FOXK2: variants seen among roughly 807,000 people sequenced by gnomAD.
FOXK2 encodes the protein forkhead box K2.
FOXK2 carries 24 observed loss-of-function variants against 53.3 expected under a neutral mutation model. That is an observed-to-expected ratio of 0.45 (90% CI 0.33 to 0.63). FOXK2 has a LOEUF of 0.63. FOXK2 is among the 30% of genes least tolerant of loss of function. The pLI is 0.03. For synonymous variants in FOXK2, 505 were observed against 407.1 expected, an observed-to-expected ratio of 1.24 and a Z score of -2.89; for missense variants, 952 against 910.5, an observed-to-expected ratio of 1.05 and a Z score of -0.59.
chr17:82,530,634 C>T (rs560819511), intron 1 of FOXK2, among the ~76,000 whole-genome samples: 1 of 151,432 alleles, frequency 6.6e-6, no homozygotes, highest in South Asian at 2.1e-4. Context: ...CCTCAGTCTC[C>T]CGAGTAGCTG....
rs577087567 is a variant in FOXK2 at position 82,566,620 on chromosome 17, G to A, written c.615-1434G>A. ...CTCACCGCCAAGCAGCAGCCTTGAA[G>A]ACCCCACTTCAAGTGTGACTGACAG... On this transcript the variant is annotated intron_variant, in intron 2 of 8. Transcript: ENST00000335255. 5.0e-4 allele frequency among the ~76,000 whole-genome samples: 76 copies of A among 152,322 alleles called. 1 individual carries two copies. The highest frequency in any genetic ancestry group is 1.8e-3 in the African/African-American group (75 of 41,572).
intron 1 of FOXK2, among the ~76,000 whole-genome samples, chr17:82,546,114 G>GTT (rs531735206): frequency 0.13 from 13,123 of 101,658 alleles, 1,878 homozygotes; most frequent in East Asian, 0.33. Flanking sequence ...AGCATGGTTG[G>GTT]TTTTTTTTTT....
chr17:82,562,849 A>G (rs900500106), intron 1 of FOXK2, among the ~76,000 whole-genome samples: 2 of 150,852 alleles, frequency 1.3e-5, no homozygotes, highest in Non-Finnish European at 2.9e-5. Context: ...CCTCTTGCTC[A>G]GACTGAAGTG....
chr17:82,542,658 G>A (rs1171535545), intron 1 of FOXK2, among the ~76,000 whole-genome samples: 1 of 152,096 alleles, frequency 6.6e-6, no homozygotes, highest in Non-Finnish European at 1.5e-5. Context: ...AACAGCAGAG[G>A]ACCCTGCTGG....
intron 1 of FOXK2, among the ~76,000 whole-genome samples, chr17:82,538,449 C>T (rs961464836): frequency 2.0e-5 from 3 of 152,178 alleles, no homozygotes; most frequent in South Asian, 2.1e-4. Flanking sequence ...CGTGCCGCTG[C>T]GCTCCAACCT....
intron 4 of FOXK2, among the ~76,000 whole-genome samples, chr17:82,573,562 TCACA>T (rs1019671658): frequency 0.011 from 955 of 83,302 alleles, 4 homozygotes; most frequent in African/African-American, 0.024. Flanking sequence ...TCTCTCTCTC[TCACA>T]CACACACACA....
chr17:82,528,624 G>A (rs977267270), intron 1 of FOXK2, among the ~76,000 whole-genome samples: 2 of 152,168 alleles, frequency 1.3e-5, no homozygotes, highest in African/African-American at 4.8e-5. Context: ...ACGGAACAAG[G>A]TGTTACAGCT....
At position 82,520,184 on chromosome 17, in the gene FOXK2, C is replaced by T. The variant is rs1206704821; in HGVS notation, c.296C>T (p.Pro99Leu). Reference sequence around the variant, plus strand: ...CATGGCGGGGCCGCTCCGGAGCTGCCGCCCGCGCAGCCCAGGCCCGACGCC... The same window carrying T: ...CATGGCGGGGCCGCTCCGGAGCTGCTGCCCGCGCAGCCCAGGCCCGACGCC... ...GGHGGAAPEL[P>L]PAQPRPDAGG... is the part of the protein sequence containing the mutation. Residue 99 changes from proline (P) to leucine (L), a missense_variant, in exon 1 of 9, where the codon CCG (proline) becomes CTG (leucine). Coordinates refer to ENST00000335255, the MANE Select transcript of FOXK2 (RefSeq NM_004514.4). 2.8e-6 allele frequency: 4 copies of T among 1,443,452 alleles called. No homozygotes were observed. Among genetic ancestry groups the T allele is most frequent in the Non-Finnish European group, 3.7e-6 (4 of 1,095,748 alleles). The allele number at this position is 1,443,452 out of a possible 1,614,324, so 89.4% of individuals were successfully genotyped here. A position where few individuals can be genotyped will look rare whatever the true frequency, so the allele number is the denominator to read the frequency against.
chr17:82,591,237 C>T (rs761076733), intron 8 of FOXK2, among the ~76,000 whole-genome samples: 1 of 152,110 alleles, frequency 6.6e-6, no homozygotes, highest in African/African-American at 2.4e-5. Flanking sequence ...GGTTGTCGCT[C>T]CAGCTGGAGT....
In FOXK2 at chr17:82,582,897, C is replaced by G. The variant is rs142131857; in HGVS notation, c.1066C>G (p.Pro356Ala). ...TAGGAAACGACGGCCTAGGGGCGTGCCCTGCTTTAGAACCCCTCTGGGACC... is the reference window on the plus strand; with the variant it reads ...TAGGAAACGACGGCCTAGGGGCGTGGCCTGCTTTAGAACCCCTCTGGGACC... ...AFRKRRPRGV[P>A]CFRTPLGPLS... Residue 356 changes from proline (P) to alanine (A), a missense_variant, in exon 5 of 9, where the codon CCC becomes GCC. By Grantham distance (27) the Pro-to-Ala change is conservative. Transcript: ENST00000335255. 6.2e-7 allele frequency: 1 copy of G among 1,608,582 alleles called. No homozygotes were observed.
chr17:82,584,038 G>T lies in FOXK2; in HGVS notation c.1129G>T (p.Ala377Ser), dbSNP rs766997277. Reference protein sequence around the residue: ...SRSAPASPNHAGVLSAHSSGA... With the variant: ...SRSAPASPNHSGVLSAHSSGA... ...GAGTGCCCCAGCCTCTCCCAATCAC[G>T]CGGGAGTGCTGTCTGCTCACTCTAG... The change falls in exon 6 of 9, where the codon GCG becomes TCG. Residue 377 changes from alanine (A) to serine (S), a missense_variant. By Grantham distance (99) the Ala-to-Ser change is moderately conservative (BLOSUM62 1). Transcript: ENST00000335255. 3 of 1,607,476 alleles carry T rather than the reference G, an allele frequency of 1.9e-6. No homozygotes were observed. In the South Asian group the frequency reaches 3.3e-5, roughly 18 times the overall value.
chr17:82,546,579 C>A (rs2044627606), intron 1 of FOXK2, among the ~76,000 whole-genome samples: 1 of 152,000 alleles, frequency 6.6e-6, no homozygotes, highest in Non-Finnish European at 1.5e-5. Context: ...TAGAGTGCCC[C>A]AAGAGTGAAG....
chr17:82,555,613 G>C (rs143893326), intron 1 of FOXK2, among the ~76,000 whole-genome samples: 1 of 152,000 alleles, frequency 6.6e-6, no homozygotes, highest in African/African-American at 2.4e-5. Context: ...CACCGGGCGC[G>C]GTGGCTCACG....
At chr17:82,537,430 G>A (rs921645854) in intron 1 of FOXK2, among the ~76,000 whole-genome samples, 1 of 151,594 alleles carries the variant, frequency 6.6e-6, no homozygotes, top group Non-Finnish European at 1.5e-5. Flanking sequence ...GGCGGATCAT[G>A]AGGTCAGGAG....
chr17:82,563,357 C>T lies in FOXK2; in HGVS notation c.423C>T (p.Cys141=), dbSNP rs1157508023. 1 of 1,612,150 alleles carries T rather than the reference C, an allele frequency of 6.2e-7. No homozygotes were observed. Among genetic ancestry groups the T allele is most frequent in the Non-Finnish European group, 8.5e-7 (1 of 1,178,846 alleles). Residue 141 remains cysteine (C), a synonymous_variant, in exon 2 of 9, where the codon TGC becomes TGT. Transcript: ENST00000335255. ...GAPPLQLPRV[C]TFRFPSTNIK... is the part of the protein sequence containing the mutation. The stretch of plus-strand genomic sequence containing the variant: ...ATGGTGGGCTTTTCTTTTCCAGGTG[C>T]ACATTCAGGTTCCCGAGCACAAACA...
In FOXK2 at chr17:82,587,083, G is replaced by A. The variant is rs148364834; in HGVS notation, c.1597G>A (p.Ala533Thr). The change falls in exon 8 of 9, where the codon GCC (alanine) becomes ACC (threonine). Residue 533 changes from alanine (A) to threonine (T), a missense_variant. Coordinates refer to ENST00000335255, the MANE Select transcript of FOXK2 (RefSeq NM_004514.4). ...EVKVKVEPIP[A>T]IGHATLGTAS... ...TTCAGTGAAAGTAGAGCCTATTCCCGCCATTGGCCACGCCACGCTCGGCAC... is the reference window on the plus strand; with the variant it reads ...TTCAGTGAAAGTAGAGCCTATTCCCACCATTGGCCACGCCACGCTCGGCAC... 3.3e-4 allele frequency: 528 copies of A among 1,603,228 alleles called. 2 individuals carry two copies. The highest frequency in any genetic ancestry group is 1.6e-3 in the East Asian group (72 of 44,024).
Position 82,604,579 on chromosome 17 carries a change from A to G in FOXK2, c.*3080A>G, listed in dbSNP as rs143909309. 6.5e-6 allele frequency: 1 copy of G among 152,712 alleles called. No individual in the cohort carries two copies. The highest frequency in any genetic ancestry group is 2.4e-5 in the African/African-American group (1 of 41,572). The allele number at this position is 152,712 out of a possible 1,614,324, so 9.5% of individuals were successfully genotyped here. A position where few individuals can be genotyped will look rare whatever the true frequency, so the allele number is the denominator to read the frequency against. ...AAAAGTACCAAGTTCCTGAAATTCA[A>G]TAAAATATTTTTATTAATTTTAATG... On this transcript the variant is annotated 3_prime_UTR_variant, in exon 9 of 9. Transcript: ENST00000335255.
chr17:82,540,137 C>T (rs190047029), intron 1 of FOXK2, among the ~76,000 whole-genome samples: 82 of 152,018 alleles, frequency 5.4e-4, no homozygotes, highest in African/African-American at 1.8e-3. Context: ...AAAAATTAGC[C>T]GAGTGTGATG....
intron 1 of FOXK2, among the ~76,000 whole-genome samples, chr17:82,522,123 T>G (rs1469457997): frequency 4.6e-5 from 7 of 150,966 alleles, no homozygotes; most frequent in Non-Finnish European, 8.8e-5. Flanking sequence ...TCTTGAGTTT[T>G]TGTTTGTTTG....
Sources: allele counts gnomAD v4.1 joint callset (sites outside exome capture counted in the v4.1 genomes callset), GRCh38; gene constraint gnomAD v4.1.1; transcripts MANE v1.5; gene names NCBI Gene and HGNC (gene_info 2026-07-23, HGNC 2026-07-21).